The following GFPT2 variants were observed in gnomAD, a reference collection of about 807,000 sequenced individuals.
The protein encoded by GFPT2 is glutamine--fructose-6-phosphate aminotransferase [isomerizing] 2.
In GFPT2, 62 loss-of-function variants were observed where a neutral mutation model predicts 85.6. That is an observed-to-expected ratio of 0.72 (90% CI 0.59 to 0.90). The LOEUF is 0.90. Ranked by LOEUF, GFPT2 falls within the 40% of genes least tolerant of loss-of-function variation. The probability of loss-of-function intolerance (pLI) is 0.00; values close to 1 mark genes in which losing one functional copy is unlikely to be tolerated. For synonymous variants in GFPT2, 368 were observed against 344.5 expected (o/e 1.07, Z -0.75); for missense variants, 788 against 893.4 (o/e 0.88, Z 1.50).
rs537634123 is a variant in GFPT2, at chr5:180,306,193, C to T, written c.1674+983G>A. The stretch of plus-strand genomic sequence containing the variant: ...AGAGATGGGCTTTTACCATGTTGTC[C>T]AGGCTGGTCTCGAACTCCTGACCTC... On this transcript the variant is annotated intron_variant, in intron 16 of 18. Coordinates refer to ENST00000253778, the MANE Select transcript of GFPT2 (RefSeq NM_005110.4). Among the ~76,000 whole-genome samples the T allele has an allele frequency of 2.6e-5, 4 of 152,228 alleles. No individual in the cohort carries two copies. The South Asian group carries it at 8.3e-4, about 32-fold the overall frequency.
chr5:180,339,526 T>C (rs567182684), intron 1 of GFPT2, among the ~76,000 whole-genome samples: 2 of 152,346 alleles, frequency 1.3e-5, no homozygotes, highest in East Asian at 3.9e-4. Context: ...GTATTCATAT[T>C]TCAAGATAAT....
At position 180,334,317 on chromosome 5, in the gene GFPT2, C is replaced by T. The variant is rs113224452; in HGVS notation, c.340+1511G>A. On this transcript the variant is annotated intron_variant, in intron 4 of 18. Coordinates refer to ENST00000253778, the MANE Select transcript of GFPT2 (RefSeq NM_005110.4). Reference sequence around the variant, plus strand: ...GGGACGCCTTCCCTTCCAAATTGGGCGGGGTGAGCTGGTGAGGCCCTGCAG... The same window carrying T: ...GGGACGCCTTCCCTTCCAAATTGGGTGGGGTGAGCTGGTGAGGCCCTGCAG... Among the ~76,000 whole-genome samples, 225 of 152,152 alleles carry T rather than the reference C, an allele frequency of 1.5e-3. 3 individuals carry two copies. Among genetic ancestry groups the T allele is most frequent in the Non-Finnish European group, 2.4e-3 (161 of 68,016 alleles).
At chr5:180,322,295 CA>C (rs778043318) in intron 9 of GFPT2, among the ~76,000 whole-genome samples, 279 of 130,868 alleles carry the variant, frequency 2.1e-3, no homozygotes, top group Admixed American at 1.9e-3. Context: ...GACCCTGTCT[CA>C]AAAAAAAAAA....
rs1169693788 is a variant in GFPT2, at chr5:180,328,906, A to C, written c.535-568T>G. Among the ~76,000 whole-genome samples the C allele has an allele frequency of 6.6e-6, 1 of 152,152 alleles. No homozygotes were observed. Among genetic ancestry groups the C allele is most frequent in the Non-Finnish European group, 1.5e-5 (1 of 68,012 alleles). On this transcript the variant is annotated intron_variant, in intron 6 of 18. Transcript: ENST00000253778. The surrounding 1 kb of genome is among the most constrained non-coding windows in gnomAD (Gnocchi z 5.4). Reference sequence around the variant, plus strand: ...AGCCTGGCATCCGGAGACCCAAGAGAAGCACAGGTTGTCATGACCGTTACT... The same window carrying C: ...AGCCTGGCATCCGGAGACCCAAGAGCAGCACAGGTTGTCATGACCGTTACT...
chr5:180,327,030 T>A (rs1026228158), intron 7 of GFPT2, among the ~76,000 whole-genome samples: 1 of 152,158 alleles, frequency 6.6e-6, no homozygotes, highest in Non-Finnish European at 1.5e-5. Flanking sequence ...AATGGCAAAT[T>A]AGTTCCAGTT....
At chr5:180,302,942 A>C (rs1763705163) in intron 17 of GFPT2, among the ~76,000 whole-genome samples, 1 of 152,160 alleles carries the variant, frequency 6.6e-6, no homozygotes, top group African/African-American at 2.4e-5. Flanking sequence ...ATAAAGATGA[A>C]TTCCAGGCCG....
At chr5:180,336,842 C>A (rs1283491693) in intron 2 of GFPT2, among the ~76,000 whole-genome samples, 1 of 152,282 alleles carries the variant, frequency 6.6e-6, no homozygotes, top group Non-Finnish European at 1.5e-5. Context: ...CCTCGGGACA[C>A]TTCCCCGCTG....
In GFPT2 at chr5:180,312,410, A is replaced by G. The variant is rs1329215852; in HGVS notation, c.1546+20T>C. On this transcript the variant is annotated intron_variant, in intron 15 of 18. Coordinates refer to ENST00000253778, the MANE Select transcript of GFPT2 (RefSeq NM_005110.4). ...GTCCACTAGATCTGAAAACATGGAA[A>G]GCTGAATTCTAGAACATACCAGGTA... is the stretch of plus-strand genomic sequence containing the variant. The G allele has an allele frequency of 3.2e-6, 4 of 1,237,686 alleles. No individual in the cohort carries two copies. The highest frequency in any genetic ancestry group is 4.8e-6 in the Non-Finnish European group (4 of 836,274). The allele number at this position is 1,237,686 out of a possible 1,614,324, so 76.7% of individuals were successfully genotyped here.
intron 4 of GFPT2, among the ~76,000 whole-genome samples, chr5:180,332,039 G>A (rs1764312003): frequency 6.6e-6 from 1 of 152,256 alleles, no homozygotes; most frequent in Non-Finnish European, 1.5e-5. Context: ...TTAAAATTCT[G>A]AGTGTTCACT....
intron 1 of GFPT2, among the ~76,000 whole-genome samples, chr5:180,352,024 G>T (rs537820171): frequency 6.6e-6 from 1 of 152,158 alleles, no homozygotes; most frequent in South Asian, 2.1e-4. Context: ...ACCCAAAGGT[G>T]GCTCTACACA....
rs1204240104 is a variant in GFPT2, at chr5:180,307,260, G to A, written c.1590C>T (p.Asp530=). ...TCTGCGTGTAGAGCTCCAGGGCCAAGTCGTGGATCTTCTCCTCCAGAGACA... is the reference window on the plus strand; with the variant it reads ...TCTGCGTGTAGAGCTCCAGGGCCAAATCGTGGATCTTCTCCTCCAGAGACA... The part of the protein sequence containing the change: ...EVLSLEEKIH[D]LALELYTQRS... Residue 530 remains aspartate (D), a synonymous_variant, in exon 16 of 19, where the codon GAC becomes GAT. Transcript: ENST00000253778. 1.9e-6 allele frequency: 3 copies of A among 1,606,050 alleles called. No homozygotes were observed. Among genetic ancestry groups the A allele is most frequent in the East Asian group, 2.2e-5 (1 of 44,484 alleles).
chr5:180,306,737 T>C (rs938256049), intron 16 of GFPT2, among the ~76,000 whole-genome samples: 4 of 152,182 alleles, frequency 2.6e-5, no homozygotes, highest in African/African-American at 7.2e-5. Context: ...GAAGGCCCCA[T>C]GGACTCAGGT....
intron 1 of GFPT2, among the ~76,000 whole-genome samples, chr5:180,346,248 T>C (rs1020854331): frequency 4.6e-5 from 7 of 152,104 alleles, no homozygotes; most frequent in Non-Finnish European, 8.8e-5. Flanking sequence ...GTCTGCCTTT[T>C]TGCAAGCCTG....
At chr5:180,345,370 G>A (rs937274395) in intron 1 of GFPT2, among the ~76,000 whole-genome samples, 3 of 152,272 alleles carry the variant, frequency 2.0e-5, no homozygotes, top group African/African-American at 7.2e-5. Context: ...GGACCCATCG[G>A]GGGGCCTCAC....
At chr5:180,311,781 C>T (rs959437255) in intron 15 of GFPT2, among the ~76,000 whole-genome samples, 1 of 152,050 alleles carries the variant, frequency 6.6e-6, no homozygotes, top group Non-Finnish European at 1.5e-5. Context: ...AGAGTGCTGG[C>T]GTCGGGGCCT....
At chr5:180,332,395 C>T (rs1764321436) in intron 4 of GFPT2, among the ~76,000 whole-genome samples, 1 of 152,192 alleles carries the variant, frequency 6.6e-6, no homozygotes, top group African/African-American at 2.4e-5. Context: ...GCTCCGTTTC[C>T]CTCTCCCCCT....
chr5:180,352,562 C>A (rs866517628), intron 1 of GFPT2: 1 of 449,044 alleles, frequency 2.2e-6, no homozygotes, highest in Admixed American at 2.4e-5. Flanking sequence ...GACTCCCTCT[C>A]GTGGCTTCGG....
intron 10 of GFPT2, among the ~76,000 whole-genome samples, chr5:180,317,771 A>C (rs530390022): frequency 6.6e-6 from 1 of 151,710 alleles, no homozygotes; most frequent in South Asian, 2.1e-4. Context: ...AAAAAAAAAA[A>C]AAAAAACCTT....
rs577815270 is a variant in GFPT2 at position 180,316,958 on chromosome 5, A to G, written c.1054+5T>C. ...CGGAGGCTCCCCACCGAGTGTAGGA[A>G]TTACCTGTGTTGGTTTCAAAATTCA... On this transcript the variant is annotated splice_donor_5th_base_variant and intron_variant, in intron 11 of 18. Coordinates refer to ENST00000253778, the MANE Select transcript of GFPT2 (RefSeq NM_005110.4). 1.3e-6 allele frequency: 2 copies of G among 1,590,364 alleles called. No individual in the cohort carries two copies. Among genetic ancestry groups the G allele is most frequent in the South Asian group, 2.2e-5 (2 of 90,580 alleles).
Sources: gnomAD v4.1 joint callset for allele counts (sites outside exome capture counted in the v4.1 genomes callset) on GRCh38, gnomAD v4.1.1 for gene constraint, Gnocchi (gnomAD v3.1) non-coding constraint, MANE v1.5 for transcripts, NCBI Gene and HGNC (gene_info 2026-07-23, HGNC 2026-07-21) for gene names.